AARS2: variants seen among roughly 807,000 people sequenced by gnomAD.
The protein encoded by AARS2 is alanine--tRNA ligase, mitochondrial.
Under a neutral mutation model 119.7 loss-of-function variants are expected in AARS2, and 78 were observed. The observed-to-expected ratio is 0.65, with a 90% confidence interval of 0.54 to 0.79. The LOEUF is 0.79. AARS2 is among the 30% of genes least tolerant of loss of function. The probability of loss-of-function intolerance (pLI) is 0.00; values close to 1 mark genes in which losing one functional copy is unlikely to be tolerated. For missense variants in AARS2, 1,157 were observed against 1,291.3 expected (o/e 0.90, Z 1.59); for synonymous variants, 502 against 526.3 (o/e 0.95, Z 0.63).
At chr6:44,308,639 G>A (rs1384299013) in intron 5 of AARS2, among the ~76,000 whole-genome samples, 6 of 151,848 alleles carry the variant, frequency 4.0e-5, no homozygotes, top group African/African-American at 1.5e-4. Context: ...TCACTCTGTT[G>A]CCCAGGTTAG....
chr6:44,307,636 G>C lies in AARS2; in HGVS notation c.895-242C>G, dbSNP rs1785979985. On this transcript the variant is annotated intron_variant, in intron 5 of 21. Coordinates refer to ENST00000244571, the MANE Select transcript of AARS2 (RefSeq NM_020745.4). The surrounding 1 kb of genome is among the most constrained non-coding windows in gnomAD (Gnocchi z 4.4). Reference sequence around the variant, plus strand: ...ACCATTTACTGAATTTCTACTATCAGAACTGGGTGAGTACTTGAACAACAT... The same window carrying C: ...ACCATTTACTGAATTTCTACTATCACAACTGGGTGAGTACTTGAACAACAT... The C allele has an allele frequency of 5.1e-6, 3 of 588,264 alleles. No homozygotes were observed. The Admixed American group carries it at 8.9e-5, about 17-fold the overall frequency. 36.4% of individuals were successfully genotyped at this position (588,264 alleles called of 1,614,324 possible).
Position 44,305,278 on chromosome 6 carries a change from G to C in AARS2, c.1435-80C>G. 1 of 1,582,994 alleles carries C rather than the reference G, an allele frequency of 6.3e-7. No individual in the cohort carries two copies. The highest frequency in any genetic ancestry group is 8.6e-7 in the Non-Finnish European group (1 of 1,166,392). Reference sequence around the variant, plus strand: ...TGGGACTTCAGCCTCGCAGGGCCCTGTCCCTGCCACACAGCTGTGGACTCT... The same window carrying C: ...TGGGACTTCAGCCTCGCAGGGCCCTCTCCCTGCCACACAGCTGTGGACTCT... On this transcript the variant is annotated intron_variant, in intron 10 of 21. Transcript: ENST00000244571. The surrounding 1 kb of genome is among the most constrained non-coding windows in gnomAD (Gnocchi z 4.6).
rs370723164 is a variant in AARS2, at chr6:44,302,380, G to A, written c.2487+11C>T. On this transcript the variant is annotated intron_variant, in intron 18 of 21. Coordinates refer to ENST00000244571, the MANE Select transcript of AARS2 (RefSeq NM_020745.4). ...GCTAGGAGAGGGTGGGGTGGTAGGC[G>A]TGGCCCTCACTTCAATGAGTCGTCC... 51 of 1,613,950 alleles carry A rather than the reference G, an allele frequency of 3.2e-5. No homozygotes were observed. The highest frequency in any genetic ancestry group is 1.6e-4 in the African/African-American group (12 of 74,908).
At chr6:44,309,661 A>G (rs562893074) in intron 5 of AARS2, among the ~76,000 whole-genome samples, 1 of 152,246 alleles carries the variant, frequency 6.6e-6, no homozygotes, top group South Asian at 2.1e-4. Context: ...TCATCTCAGT[A>G]AACAGTCATG....
Position 44,307,123 on chromosome 6 carries a change from A to C in AARS2, c.1041-92T>G. The C allele has an allele frequency of 6.3e-7, 1 of 1,586,550 alleles. No individual in the cohort carries two copies. The highest frequency in any genetic ancestry group is 8.6e-7 in the Non-Finnish European group (1 of 1,160,702). ...AGGACGAGGTCCAGTGTGTGCTCCCACCTCAAAGCTCTCCCTCTCCCCATT... is the reference window on the plus strand; with the variant it reads ...AGGACGAGGTCCAGTGTGTGCTCCCCCCTCAAAGCTCTCCCTCTCCCCATT... On this transcript the variant is annotated intron_variant, in intron 6 of 21. Coordinates refer to ENST00000244571, the MANE Select transcript of AARS2 (RefSeq NM_020745.4). The surrounding 1 kb of genome is among the most constrained non-coding windows in gnomAD (Gnocchi z 4.4).
chr6:44,311,832 C>T (rs1225989998), intron 2 of AARS2, among the ~76,000 whole-genome samples: 1 of 152,208 alleles, frequency 6.6e-6, no homozygotes, highest in Non-Finnish European at 1.5e-5. Flanking sequence ...AGCACCTTAG[C>T]ATTGCTGTTT....
intron 21 of AARS2, 195 bp from the exon 22 acceptor site, chr6:44,300,906 T>C: frequency 1.3e-6 from 1 of 756,520 alleles, no homozygotes. Flanking sequence ...AACGTGAACA[T>C]CTGCTACTTG....
At chr6:44,311,293 G>T in intron 3 of AARS2, 97 bp downstream of exon 3, 2 of 1,604,606 alleles carry the variant, frequency 1.2e-6, no homozygotes, top group Non-Finnish European at 1.7e-6. Context: ...CAATATCCTG[G>T]AATGAAATGC....
chr6:44,302,141 C>A lies in AARS2; in HGVS notation c.2517G>T (p.Trp839Cys). Residue 839 changes from tryptophan (W) to cysteine (C), a missense_variant, in exon 19 of 22, where the codon TGG (tryptophan) becomes TGT (cysteine). Transcript: ENST00000244571. ...CTGTGGCCAGCAGCTCCCGCCGCTG[C>A]CACTGGGGCATCACAGCAGTTTCCA... Reference protein sequence around the residue: ...EAVETAVMPQWQRRELLATVK... With the variant: ...EAVETAVMPQCQRRELLATVK... 5.6e-6 allele frequency: 9 copies of A among 1,614,040 alleles called. No homozygotes were observed. The highest frequency in any genetic ancestry group is 5.9e-6 in the Non-Finnish European group (7 of 1,180,052).
chr6:44,300,294 A>C lies in AARS2; in HGVS notation c.*253T>G. 1 of 567,248 alleles carries C rather than the reference A, an allele frequency of 1.8e-6. No homozygotes were observed. Among genetic ancestry groups the C allele is most frequent in the Non-Finnish European group, 3.1e-6 (1 of 317,514 alleles). The allele number at this position is 567,248 out of a possible 1,614,324, so 35.1% of individuals were successfully genotyped here. On this transcript the variant is annotated 3_prime_UTR_variant, in exon 22 of 22. Transcript: ENST00000244571. The stretch of plus-strand genomic sequence containing the variant: ...ACACCCGGCCAGTGAAATAATTTCT[A>C]ATGTGCAGTCACAGCCATAATTGTC...
At chr6:44,310,909 T>C in intron 4 of AARS2, 85 bp downstream of exon 4, 1 of 1,562,928 alleles carries the variant, frequency 6.4e-7, no homozygotes. Context: ...ATGTTTGTTT[T>C]TATATGAAAC....
Position 44,307,411 on chromosome 6 carries a change from T to C in AARS2, c.895-17A>G. 1 of 1,590,600 alleles carries C rather than the reference T, an allele frequency of 6.3e-7. No individual in the cohort carries two copies. ...CCTGCAGCCCTGGGAAGCAGAAGAG[T>C]CAGCCAGTGGCCCTGCCTGACCTGG... On this transcript the variant is annotated splice_polypyrimidine_tract_variant and intron_variant, in intron 5 of 21. Transcript: ENST00000244571. The surrounding 1 kb of genome is among the most constrained non-coding windows in gnomAD (Gnocchi z 4.4).
intron 17 of AARS2, 48 bp downstream of exon 17, chr6:44,302,754 C>G: frequency 6.4e-7 from 1 of 1,561,362 alleles, no homozygotes; most frequent in Middle Eastern, 1.7e-4. Flanking sequence ...TGCGTGTGTC[C>G]CATGCACCCA....
In AARS2 at chr6:44,311,446, G is replaced by T; in HGVS notation, c.525C>A (p.Asp175Glu). Residue 175 changes from aspartate to glutamate, a missense_variant, in exon 3 of 22, where the codon GAC (aspartate) becomes GAA (glutamate). Physicochemically the swap from Asp to Glu is conservative, Grantham distance 45 (BLOSUM62 2). Coordinates refer to ENST00000244571, the MANE Select transcript of AARS2 (RefSeq NM_020745.4). The stretch of plus-strand genomic sequence containing the variant: ...GGTCTGGGTCCAGCCCTGCCTTGGG[G>T]TCACCATCAAAGTAGGAGATCCAGA... ...ERLWISYFDG[D>E]PKAGLDPDLE... The T allele has an allele frequency of 1.9e-6, 3 of 1,614,080 alleles. No individual in the cohort carries two copies. Among genetic ancestry groups the T allele is most frequent in the Non-Finnish European group, 8.5e-7 (1 of 1,180,030 alleles).
In AARS2 at chr6:44,298,837, C is replaced by A. The variant is rs1056093; in HGVS notation, c.*1710G>T. On this transcript the variant is annotated 3_prime_UTR_variant, in exon 22 of 22. Coordinates refer to ENST00000244571, the MANE Select transcript of AARS2 (RefSeq NM_020745.4). Reference sequence around the variant, plus strand: ...TCATCTAGCAACAGAGATCTAGGAACAAAGGCAGAGGTCCAAAGTCTGGCT... The same window carrying A: ...TCATCTAGCAACAGAGATCTAGGAAAAAAGGCAGAGGTCCAAAGTCTGGCT... Among the ~76,000 whole-genome samples the A allele has an allele frequency of 0.12, 18,622 of 152,256 alleles. 1,503 individuals are homozygous for A. The highest frequency in any genetic ancestry group is 0.18 in the Non-Finnish European group (12,469 of 68,002).
chr6:44,308,794 AT>A (rs755277555), intron 5 of AARS2, among the ~76,000 whole-genome samples: 3 of 151,666 alleles, frequency 2.0e-5, no homozygotes, highest in Non-Finnish European at 2.9e-5. Context: ...TAGAGACAGG[AT>A]TTTGCCATGT....
In AARS2 at chr6:44,307,536, G is replaced by C; in HGVS notation, c.895-142C>G. The C allele has an allele frequency of 9.9e-6, 11 of 1,114,024 alleles. No homozygotes were observed. Among genetic ancestry groups the C allele is most frequent in the East Asian group, 2.6e-5 (1 of 38,472 alleles). The allele number at this position is 1,114,024 out of a possible 1,614,324, so 69.0% of individuals were successfully genotyped here. A position where few individuals can be genotyped will look rare whatever the true frequency, so the allele number is the denominator to read the frequency against. ...TGCCAGTCCAGTCCTGGGCTGAGAA[G>C]CCTCACAGATGAGCACAAGCCAGGC... On this transcript the variant is annotated intron_variant, in intron 5 of 21. Transcript: ENST00000244571. The surrounding 1 kb of genome is among the most constrained non-coding windows in gnomAD (Gnocchi z 4.4).
chr6:44,311,750 T>C (rs1455467656), intron 2 of AARS2, among the ~76,000 whole-genome samples: 1 of 152,230 alleles, frequency 6.6e-6, no homozygotes, highest in Non-Finnish European at 1.5e-5. Flanking sequence ...TTCTTTCAAG[T>C]CCCAGACCAA....
chr6:44,301,570 A>C (rs1367124746), intron 19 of AARS2, 106 bp from the exon 20 acceptor site: 5 of 1,104,954 alleles, frequency 4.5e-6, no homozygotes, highest in Non-Finnish European at 6.8e-6. Context: ...TGCTTCCCCC[A>C]CCCACCCCAA....
Sources: allele counts gnomAD v4.1 joint callset (sites outside exome capture counted in the v4.1 genomes callset), GRCh38; gene constraint gnomAD v4.1.1; non-coding constraint Gnocchi (gnomAD v3.1); transcripts MANE v1.5; gene names NCBI Gene and HGNC (gene_info 2026-07-23, HGNC 2026-07-21).